TSEN54: variants seen among roughly 807,000 people sequenced by gnomAD.
TSEN54 encodes tRNA splicing endonuclease subunit 54, also known as tRNA-splicing endonuclease subunit Sen54.
A neutral mutation model predicts 61.9 loss-of-function variants in TSEN54; 55 were observed. That is an observed-to-expected ratio of 0.89 (90% CI 0.72 to 1.11). TSEN54 has a LOEUF of 1.11. TSEN54 is among the 50% of genes most tolerant of loss of function. TSEN54 has a pLI of 0.00. For missense variants in TSEN54, 760 were observed against 687.7 expected (o/e 1.11, Z -1.18); for synonymous variants, 304 against 288.7 (o/e 1.05, Z -0.54).
At chr17:75,521,371 G>T in intron 6 of TSEN54, 38 bp from the exon 7 acceptor site, 1 of 1,550,734 alleles carries the variant, frequency 6.4e-7, no homozygotes, top group South Asian at 1.1e-5. Flanking sequence ...AGGCTGAGGA[G>T]GTGGGTCAGT....
At chr17:75,522,398 A>T (rs1204057525) in intron 8 of TSEN54, 65 bp downstream of exon 8, 4 of 1,536,346 alleles carry the variant, frequency 2.6e-6, no homozygotes, top group Non-Finnish European at 3.5e-6. Flanking sequence ...GGACTTTGGA[A>T]AGGGCATGGA....
chr17:75,517,096 G>T, intron 3 of TSEN54, 24 bp downstream of exon 3: 2 of 1,578,368 alleles, frequency 1.3e-6, no homozygotes, highest in East Asian at 2.3e-5. Flanking sequence ...TCGGGGACCG[G>T]GGACCGCCCT....
intron 10 of TSEN54, 79 bp from the exon 11 acceptor site, chr17:75,524,183 G>T: frequency 6.2e-7 from 1 of 1,601,380 alleles, no homozygotes. Context: ...AACTCCTTCC[G>T]TAGAATCTCT....
Position 75,522,127 on chromosome 17 carries a change from C to A in TSEN54, c.1046C>A (p.Ser349Tyr). The A allele has an allele frequency of 6.4e-7, 1 of 1,569,334 alleles. No homozygotes were observed. Among genetic ancestry groups the A allele is most frequent in the East Asian group, 2.4e-5 (1 of 42,132 alleles). ...CTGAACCAGCGCAAGGAGAAGCTCT[C>A]CAGGCGGGAACGGGAGCACCACGCG... ...QKLNQRKEKL[S>Y]RREREHHAEA... is the part of the protein sequence containing the mutation. Residue 349 changes from serine to tyrosine, a missense_variant, in exon 8 of 11, where the codon TCC becomes TAC. Ser to Tyr is a moderately radical substitution (Grantham distance 144, BLOSUM62 -2). This residue lies in a region of TSEN54 where 667 missense variants were observed against 577.8 expected (regional missense o/e 1.15). Coordinates refer to ENST00000333213, the MANE Select transcript of TSEN54 (RefSeq NM_207346.3).
At chr17:75,517,435 G>T in intron 4 of TSEN54, 122 bp from the exon 5 acceptor site, 1 of 1,180,978 alleles carries the variant, frequency 8.5e-7, no homozygotes, top group Non-Finnish European at 1.3e-6. Flanking sequence ...TTTCCTGGTT[G>T]GCCACATTCT....
Position 75,516,915 on chromosome 17 carries a change from G to C in TSEN54, c.221+5G>C. On this transcript the variant is annotated splice_donor_5th_base_variant and intron_variant, in intron 2 of 10. Transcript: ENST00000333213. ...AGAGCAGCGCGTGGAGCGCCTGTGA[G>C]AGGGGCGGGCCCAGGGGTAAGGGAA... The C allele has an allele frequency of 6.5e-7, 1 of 1,543,540 alleles. No individual in the cohort carries two copies. Among genetic ancestry groups the C allele is most frequent in the Non-Finnish European group, 8.7e-7 (1 of 1,146,470 alleles).
chr17:75,521,348 C>A (rs754991842), intron 6 of TSEN54, 61 bp from the exon 7 acceptor site: 1 of 1,415,310 alleles, frequency 7.1e-7, no homozygotes, highest in South Asian at 1.2e-5. Flanking sequence ...CTTACACATC[C>A]CACCAGATCC....
intron 8 of TSEN54, chr17:75,522,737 A>C: frequency 3.1e-6 from 1 of 324,874 alleles, no homozygotes; most frequent in Non-Finnish European, 5.6e-6. Context: ...GTGTTAACGG[A>C]TTCCAAATTA....
chr17:75,524,270 A>G lies in TSEN54; in HGVS notation c.1439A>G (p.Glu480Gly), dbSNP rs769529029. Residue 480 changes from glutamate (E) to glycine (G), a missense_variant, in exon 11 of 11, where the codon GAG becomes GGG. This residue lies in a region of TSEN54 where 83 missense variants were observed against 82.9 expected (regional missense o/e 1.00). Coordinates refer to ENST00000333213, the MANE Select transcript of TSEN54 (RefSeq NM_207346.3). ...YARMCISGFD[E>G]PVPDLCSLKR... The stretch of plus-strand genomic sequence containing the variant: ...ACCCTTTGTCCCTGCAGATTTGATG[A>G]GCCTGTCCCAGACCTCTGCAGCCTC... The G allele has an allele frequency of 3.7e-6, 6 of 1,614,150 alleles. No individual in the cohort carries two copies. The Admixed American group carries it at 1.0e-4, about 27-fold the overall frequency.
rs1394140232 is a variant in TSEN54, at chr17:75,521,486, G to A, written c.599G>A (p.Arg200Lys). 2.5e-6 allele frequency: 4 copies of A among 1,614,110 alleles called. 1 individual carries two copies. The South Asian group carries it at 4.4e-5, about 18-fold the overall frequency. Residue 200 changes from arginine (R) to lysine (K), a missense_variant, in exon 7 of 11, where the codon AGA (arginine) becomes AAA (lysine). This residue lies in a region of TSEN54 where 667 missense variants were observed against 577.8 expected (regional missense o/e 1.15). Transcript: ENST00000333213. ...CACTTGGAGGATGGAGATGGCAAGA[G>A]AAAGAGGAGCAGCTCCAGCCCTCGG... is the stretch of plus-strand genomic sequence containing the variant. ...VQHLEDGDGKRKRSSSSPRSI... is the reference protein window; with the variant it reads ...VQHLEDGDGKKKRSSSSPRSI...
intron 5 of TSEN54, chr17:75,518,601 A>G: frequency 4.1e-6 from 4 of 985,436 alleles, no homozygotes; most frequent in Non-Finnish European, 4.8e-6. Context: ...TCCCACCGGC[A>G]TCTGTGGAGG....
At chr17:75,524,189 T>G in intron 10 of TSEN54, 73 bp from the exon 11 acceptor site, 2 of 1,604,856 alleles carry the variant, frequency 1.2e-6, no homozygotes, top group South Asian at 2.2e-5. Flanking sequence ...TTCCGTAGAA[T>G]CTCTTCTCTG....
chr17:75,521,210 T>A, intron 6 of TSEN54, 199 bp from the exon 7 acceptor site: 1 of 608,228 alleles, frequency 1.6e-6, no homozygotes, highest in Non-Finnish European at 3.0e-6. Context: ...TCTGGGCCAT[T>A]GCCTAGGCAG....
chr17:75,517,101 CGCCCTCCCT>C lies in TSEN54; in HGVS notation c.286-41_286-33del, dbSNP rs58038334. 225,457 of 1,540,818 alleles carry C rather than the reference CGCCCTCCCT, an allele frequency of 0.15. 19,205 individuals carry two copies. Among genetic ancestry groups the C allele is most frequent in the African/African-American group, 0.42 (30,646 of 72,992 alleles). Reference sequence around the variant, plus strand: ...AGCGGCGGGCTCGGGGACCGGGGACCGCCCTCCCTGCCCTCCCTGCCCTCCCTCCCTTGT... The same window carrying C: ...AGCGGCGGGCTCGGGGACCGGGGACCGCCCTCCCTGCCCTCCCTCCCTTGT... On this transcript the variant is annotated intron_variant, in intron 3 of 10. Transcript: ENST00000333213.
In TSEN54 at chr17:75,522,091, G is replaced by A; in HGVS notation, c.1010G>A (p.Trp337Ter). Residue 337 changes from tryptophan to a stop codon, truncating the protein, a stop_gained, in exon 8 of 11, where the codon TGG (tryptophan) becomes TAG (stop). Transcript: ENST00000333213. LOFTEE classifies it high-confidence loss of function. ...GGGCGGGAGACAGACGCTGAGTCCT[G>A]GTGCCAGAAGCTGAACCAGCGCAAG... The part of the protein sequence containing the change: ...VAGRETDAES[W>*]CQKLNQRKEK... The A allele has an allele frequency of 6.3e-7, 1 of 1,584,970 alleles. No homozygotes were observed. Among genetic ancestry groups the A allele is most frequent in the Non-Finnish European group, 8.6e-7 (1 of 1,165,918 alleles).
intron 8 of TSEN54, 96 bp downstream of exon 8, chr17:75,522,429 C>T: frequency 2.0e-6 from 3 of 1,527,006 alleles, no homozygotes; most frequent in Non-Finnish European, 2.6e-6. Context: ...TGGATTGAGG[C>T]TTAAGGAAGA....
At chr17:75,518,580 T>G (rs1437629870) in intron 5 of TSEN54, 2 of 985,314 alleles carry the variant, frequency 2.0e-6, no homozygotes, top group Admixed American at 1.2e-4. Context: ...TGTGGCTCCC[T>G]ACCAGAAACT....
At chr17:75,519,708 G>A (rs376418456) in intron 6 of TSEN54, among the ~76,000 whole-genome samples, 18 of 151,884 alleles carry the variant, frequency 1.2e-4, no homozygotes, top group Non-Finnish European at 2.2e-4. Flanking sequence ...GATTACAGGC[G>A]TGTGCCACCA....
At chr17:75,522,531 G>C (rs2053440023) in intron 8 of TSEN54, 198 bp downstream of exon 8, 3 of 1,451,270 alleles carry the variant, frequency 2.1e-6, no homozygotes, top group South Asian at 2.8e-5. Context: ...GGTGAGTCAG[G>C]AGAGGTAAGG....
Sources: allele counts gnomAD v4.1 joint callset (sites outside exome capture counted in the v4.1 genomes callset), GRCh38; gene constraint gnomAD v4.1.1; regional missense constraint gnomAD v4.1.1; transcripts MANE v1.5; gene names NCBI Gene and HGNC (gene_info 2026-07-23, HGNC 2026-07-21).